NKAIN2: variants seen among roughly 807,000 people sequenced by gnomAD.
The protein encoded by NKAIN2 is sodium/potassium transporting ATPase interacting 2, also known as sodium/potassium-transporting ATPase subunit beta-1-interacting protein 2.
A neutral mutation model predicts 32.6 loss-of-function variants in NKAIN2; 14 were observed. The ratio of observed to expected loss-of-function variants is 0.43; its 90% CI spans 0.28 to 0.67. The LOEUF is 0.67. Among genes scored for constraint, NKAIN2 ranks in the 30% least tolerant of loss-of-function variants. NKAIN2 has a pLI of 0.17. For synonymous variants in NKAIN2, 80 were observed against 87.2 expected (o/e 0.92, Z 0.46); for missense variants, 198 against 258.3 (o/e 0.77, Z 1.60).
At chr6:123,953,821 A>G (rs1777436757) in intron 1 of NKAIN2, among the ~76,000 whole-genome samples, 1 of 152,180 alleles carries the variant, frequency 6.6e-6, no homozygotes, top group Admixed American at 6.5e-5. Context: ...AGGTAGGAGC[A>G]GCAGCGACTG....
At chr6:123,929,925 T>C (rs941108463) in intron 1 of NKAIN2, among the ~76,000 whole-genome samples, 2 of 152,098 alleles carry the variant, frequency 1.3e-5, no homozygotes, top group African/African-American at 2.4e-5. Context: ...TTGGAGCATT[T>C]TGGATTTCAA....
chr6:124,014,511 G>A (rs1434609989), intron 1 of NKAIN2, among the ~76,000 whole-genome samples: 2 of 151,828 alleles, frequency 1.3e-5, no homozygotes, highest in Non-Finnish European at 2.9e-5. Context: ...AGTGTTTCCA[G>A]TATGTTCTTG....
At chr6:124,561,071 T>C (rs1451072432) in intron 3 of NKAIN2, among the ~76,000 whole-genome samples, 2 of 129,260 alleles carry the variant, frequency 1.5e-5, no homozygotes, top group Non-Finnish European at 3.4e-5. Context: ...TCATCAGCCC[T>C]GATGTGAGTC....
chr6:124,025,400 G>A (rs986480224), intron 1 of NKAIN2, among the ~76,000 whole-genome samples: 1 of 151,600 alleles, frequency 6.6e-6, no homozygotes, highest in African/African-American at 2.4e-5. Flanking sequence ...ACAACAGCAC[G>A]AAGAACACCT....
intron 5 of NKAIN2, among the ~76,000 whole-genome samples, chr6:124,816,395 C>G (rs919265376): frequency 2.0e-5 from 3 of 152,000 alleles, no homozygotes; most frequent in African/African-American, 7.2e-5. Context: ...ATGTACAACA[C>G]CAAGAATAAA....
At chr6:124,693,878 G>A (rs537257112) in intron 4 of NKAIN2, among the ~76,000 whole-genome samples, 1 of 152,212 alleles carries the variant, frequency 6.6e-6, no homozygotes, top group African/African-American at 2.4e-5. Context: ...ATGAATCCAA[G>A]CGGGAACAGT....
At chr6:124,750,151 T>C (rs2114708646) in intron 4 of NKAIN2, among the ~76,000 whole-genome samples, 1 of 152,038 alleles carries the variant, frequency 6.6e-6, no homozygotes, top group Non-Finnish European at 1.5e-5. Context: ...TTTGAGGCTT[T>C]GAAATAATAC....
chr6:124,337,257 G>A (rs953747212), intron 2 of NKAIN2, among the ~76,000 whole-genome samples: 1 of 152,138 alleles, frequency 6.6e-6, no homozygotes, highest in African/African-American at 2.4e-5. Flanking sequence ...ATCACATTGG[G>A]AGGCCAAGAT....
intron 1 of NKAIN2, among the ~76,000 whole-genome samples, chr6:124,003,484 G>A (rs1510297): frequency 0.3 from 46,102 of 152,054 alleles, 7,305 homozygotes; most frequent in East Asian, 0.41. Context: ...TTCAGAACTT[G>A]TTGATGGAAT....
intron 4 of NKAIN2, among the ~76,000 whole-genome samples, chr6:124,774,436 G>T (rs1229852908): frequency 6.6e-6 from 1 of 152,178 alleles, no homozygotes; most frequent in African/African-American, 2.4e-5. Flanking sequence ...ACAGTTAGGT[G>T]TAGTCAGGTA....
At chr6:124,740,696 A>G (rs1423927758) in intron 4 of NKAIN2, among the ~76,000 whole-genome samples, 4 of 151,912 alleles carry the variant, frequency 2.6e-5, no homozygotes, top group Non-Finnish European at 5.9e-5. Flanking sequence ...AATGGCAGTG[A>G]GTTTGCCGTT....
chr6:124,326,235 A>G (rs1369218201), intron 2 of NKAIN2, among the ~76,000 whole-genome samples: 3 of 149,364 alleles, frequency 2.0e-5, no homozygotes, highest in Non-Finnish European at 3.0e-5. Context: ...GCTCATTTTA[A>G]AGTATTAGAA....
chr6:124,678,766 T>C (rs1773477378), intron 4 of NKAIN2, among the ~76,000 whole-genome samples: 1 of 152,140 alleles, frequency 6.6e-6, no homozygotes, highest in African/African-American at 2.4e-5. Flanking sequence ...TCATGTGCCT[T>C]GTAACTTTTG....
At chr6:124,426,757 G>A (rs772947232) in intron 3 of NKAIN2, among the ~76,000 whole-genome samples, 3 of 152,126 alleles carry the variant, frequency 2.0e-5, no homozygotes, top group Non-Finnish European at 4.4e-5. Flanking sequence ...CATGTTCTGG[G>A]AGCGACTCGG....
chr6:124,121,094 A>T (rs1785857201), intron 1 of NKAIN2, among the ~76,000 whole-genome samples: 1 of 152,162 alleles, frequency 6.6e-6, no homozygotes, highest in African/African-American at 2.4e-5. Flanking sequence ...CTGCAAACGG[A>T]TAGAAATTTA....
At chr6:124,519,589 G>A (rs930223366) in intron 3 of NKAIN2, among the ~76,000 whole-genome samples, 17 of 152,256 alleles carry the variant, frequency 1.1e-4, no homozygotes, top group African/African-American at 3.6e-4. Context: ...TTCCAAGTGA[G>A]CGTAATCATC....
intron 3 of NKAIN2, among the ~76,000 whole-genome samples, chr6:124,553,638 T>C (rs1437860113): frequency 6.6e-6 from 1 of 152,146 alleles, no homozygotes; most frequent in African/African-American, 2.4e-5. Flanking sequence ...TTTTTCTCAC[T>C]TGGTCTTCAC....
At chr6:124,732,416 G>T (rs11751983) in intron 4 of NKAIN2, among the ~76,000 whole-genome samples, 17,339 of 151,988 alleles carry the variant, frequency 0.11, 1,199 homozygotes, top group East Asian at 0.29. Flanking sequence ...ACAGAAGTTA[G>T]GTCACAGTGA....
chr6:124,322,829 T>A (rs2115029123), intron 2 of NKAIN2, among the ~76,000 whole-genome samples: 1 of 152,306 alleles, frequency 6.6e-6, no homozygotes, highest in South Asian at 2.1e-4. Flanking sequence ...TGAGTTGTGT[T>A]ATTTAAGAAA....
Sources: allele counts gnomAD v4.1 joint callset (sites outside exome capture counted in the v4.1 genomes callset), GRCh38; gene constraint gnomAD v4.1.1; transcripts MANE v1.5; gene names NCBI Gene and HGNC (gene_info 2026-07-23, HGNC 2026-07-21).